MAP3K20: variants seen among roughly 807,000 people sequenced by gnomAD.
The protein encoded by MAP3K20 is HCCS-4.
Under a neutral mutation model 85.7 loss-of-function variants are expected in MAP3K20, and 40 were observed. The ratio of observed to expected loss-of-function variants is 0.47; its 90% CI spans 0.36 to 0.61. The LOEUF (loss-of-function observed/expected upper bound fraction) is 0.61, where lower values mean the gene tolerates loss of function less well. Among genes scored for constraint, MAP3K20 ranks in the 20% least tolerant of loss-of-function variants. The pLI is 0.00. For missense variants in MAP3K20, 817 were observed against 961.7 expected (o/e 0.85, Z 1.99); for synonymous variants, 325 against 327.7 (o/e 0.99, Z 0.09).
chr2:173,222,300 C>T, intron 11 of MAP3K20: 6 of 985,814 alleles, frequency 6.1e-6, no homozygotes, highest in Non-Finnish European at 7.2e-6. Context: ...TTCAGAAATA[C>T]CTAAGTGCTG....
intron 2 of MAP3K20, among the ~76,000 whole-genome samples, chr2:173,130,601 A>G (rs987725246): frequency 6.9e-6 from 1 of 144,064 alleles, no homozygotes; most frequent in African/African-American, 2.4e-5. Flanking sequence ...CACGTTCACT[A>G]AAGTGCAGAA....
chr2:173,242,178 T>TG (rs1553593021), intron 16 of MAP3K20, among the ~76,000 whole-genome samples: 2 of 104,444 alleles, frequency 1.9e-5, no homozygotes, highest in African/African-American at 7.9e-5. Context: ...GAAAAAAAAA[T>TG]TTTTTTTTTT....
intron 15 of MAP3K20, 134 bp downstream of exon 15, chr2:173,238,569 G>C (rs937008624): frequency 2.7e-6 from 2 of 747,042 alleles, no homozygotes. Flanking sequence ...CTAACAAAAG[G>C]CCCTTTGAAG....
At position 173,206,455 on chromosome 2, in the gene MAP3K20, A is replaced by T. The variant is rs188331305; in HGVS notation, c.744+2585A>T. On this transcript the variant is annotated intron_variant, in intron 9 of 19. Coordinates refer to ENST00000375213, the MANE Select transcript of MAP3K20 (RefSeq NM_016653.3). ...AACAGTGACATGTCCCCTGTATTTGATTTGGTTATATACCTGGCCACGGCC... is the reference window on the plus strand; with the variant it reads ...AACAGTGACATGTCCCCTGTATTTGTTTTGGTTATATACCTGGCCACGGCC... 1.1e-4 allele frequency among the ~76,000 whole-genome samples: 17 copies of T among 152,262 alleles called. 1 individual carries two copies. The highest frequency in any genetic ancestry group is 4.1e-4 in the African/African-American group (17 of 41,546).
chr2:173,144,497 A>AAGAAG, intron 2 of MAP3K20, among the ~76,000 whole-genome samples: 1 of 150,916 alleles, frequency 6.6e-6, no homozygotes, highest in South Asian at 2.1e-4. Context: ...AAAAGAAAGA[A>AAGAAG]AGAAGAGAAG....
At chr2:173,212,797 C>CAAAAAAA (rs61126157) in intron 10 of MAP3K20, 2 of 101,032 alleles carry the variant, frequency 2.0e-5, no homozygotes, top group African/African-American at 3.9e-5. Flanking sequence ...AGATCCTATT[C>CAAAAAAA]AAAAAAAAAA....
intron 3 of MAP3K20, 91 bp downstream of exon 3, chr2:173,169,983 A>G (rs1689952513): frequency 4.2e-6 from 5 of 1,194,684 alleles, no homozygotes; most frequent in Non-Finnish European, 6.1e-6. Context: ...AGGCTCAGTT[A>G]TGAATTGTGT....
chr2:173,192,606 A>G (rs774104333), intron 7 of MAP3K20, among the ~76,000 whole-genome samples: 1 of 152,196 alleles, frequency 6.6e-6, no homozygotes, highest in Non-Finnish European at 1.5e-5. Context: ...ATTTCTCATA[A>G]GTTTCAGAGG....
At chr2:173,242,970 G>T (rs1266154006) in intron 16 of MAP3K20, among the ~76,000 whole-genome samples, 1 of 152,036 alleles carries the variant, frequency 6.6e-6, no homozygotes, top group African/African-American at 2.4e-5. Flanking sequence ...CTCCCAAAGT[G>T]CTGGGATTAC....
chr2:173,236,401 C>G (rs1684650010), intron 14 of MAP3K20, among the ~76,000 whole-genome samples: 1 of 151,508 alleles, frequency 6.6e-6, no homozygotes, highest in Non-Finnish European at 1.5e-5. Context: ...AATTATTTGA[C>G]CCACTAGAGT....
At chr2:173,190,855 T>G in intron 5 of MAP3K20, 40 bp from the exon 6 acceptor site, 1 of 1,541,668 alleles carries the variant, frequency 6.5e-7, no homozygotes, top group East Asian at 2.2e-5. Context: ...CTCAAACAAA[T>G]TAGATGATTG....
chr2:173,191,258 TG>T (rs1158152459), intron 7 of MAP3K20, 81 bp downstream of exon 7: 7 of 1,559,394 alleles, frequency 4.5e-6, no homozygotes, highest in Non-Finnish European at 6.1e-6. Context: ...CAGTTTAACA[TG>T]GTTTTATTTT....
At chr2:173,153,410 A>G (rs1689364328) in intron 2 of MAP3K20, among the ~76,000 whole-genome samples, 1 of 152,200 alleles carries the variant, frequency 6.6e-6, no homozygotes, top group Admixed American at 6.5e-5. Flanking sequence ...ATGACTTGAC[A>G]TGTCTCTGCT....
intron 2 of MAP3K20, among the ~76,000 whole-genome samples, chr2:173,094,045 C>T (rs148680054): frequency 0.015 from 2,331 of 151,060 alleles, 56 homozygotes; most frequent in African/African-American, 0.053. Flanking sequence ...TGCTAGATGA[C>T]GAGTTAGTGG....
chr2:173,126,619 A>G (rs1246330384), intron 2 of MAP3K20, among the ~76,000 whole-genome samples: 2 of 152,178 alleles, frequency 1.3e-5, no homozygotes, highest in African/African-American at 2.4e-5. Context: ...ACCTCAGGTG[A>G]TCCACCCACC....
intron 14 of MAP3K20, among the ~76,000 whole-genome samples, chr2:173,235,086 T>G (rs1347128202): frequency 6.6e-6 from 1 of 152,196 alleles, no homozygotes; most frequent in Non-Finnish European, 1.5e-5. Flanking sequence ...CTGGGGCCGC[T>G]GTCGCAGGCA....
intron 3 of MAP3K20, among the ~76,000 whole-genome samples, chr2:173,170,641 G>C (rs996994149): frequency 6.6e-6 from 1 of 151,860 alleles, no homozygotes; most frequent in African/African-American, 2.4e-5. Context: ...TCTCGGTAGA[G>C]GTGAGAACCT....
intron 17 of MAP3K20, among the ~76,000 whole-genome samples, chr2:173,259,979 C>T (rs1358583538): frequency 6.6e-6 from 1 of 152,184 alleles, no homozygotes; most frequent in East Asian, 1.9e-4. Flanking sequence ...AAAACTAGAA[C>T]TGGGACAGAC....
At chr2:173,212,709 G>A (rs1455847294) in intron 10 of MAP3K20, 1 of 151,568 alleles carries the variant, frequency 6.6e-6, no homozygotes, top group Admixed American at 6.6e-5. Context: ...TGAGGTGGGA[G>A]GATCACTTGA....
Sources: gnomAD v4.1 joint callset for allele counts (sites outside exome capture counted in the v4.1 genomes callset) on GRCh38, gnomAD v4.1.1 for gene constraint, MANE v1.5 for transcripts, NCBI Gene and HGNC (gene_info 2026-07-23, HGNC 2026-07-21) for gene names.